The following IL17REL variants were observed in gnomAD, a reference collection of about 807,000 sequenced individuals.
IL17REL encodes the protein interleukin 17 receptor E like, also known as interleukin-17 receptor E-like protein.
A neutral mutation model predicts 49.0 loss-of-function variants in IL17REL; 36 were observed. The ratio of observed to expected loss-of-function variants is 0.73; its 90% confidence interval spans 0.56 to 0.97. IL17REL has a LOEUF of 0.97. Ranked by LOEUF, IL17REL falls within the 50% of genes least tolerant of loss-of-function variation. The pLI, the probability that IL17REL is intolerant of heterozygous loss-of-function variation, is 0.00. For missense variants in IL17REL, 470 were observed against 453.9 expected (o/e 1.04, Z -0.32); for synonymous variants, 206 against 192.4 (o/e 1.07, Z -0.58).
intron 1 of IL17REL, among the ~76,000 whole-genome samples, chr22:50,005,737 G>A (rs560571509): frequency 6.6e-6 from 1 of 151,978 alleles, no homozygotes; most frequent in Admixed American, 6.6e-5. Flanking sequence ...TCCGGGAGGC[G>A]GAAGTTGCAG....
At chr22:49,998,674 CGTGA>C (rs2061053054) in intron 7 of IL17REL, among the ~76,000 whole-genome samples, 1 of 143,044 alleles carries the variant, frequency 7.0e-6, no homozygotes. Context: ...TATGGGTGTG[CGTGA>C]GTGTGCCTGC....
chr22:49,999,184 G>T, intron 7 of IL17REL, 107 bp downstream of exon 9: 1 of 1,344,520 alleles, frequency 7.4e-7, no homozygotes, highest in Non-Finnish European at 1.1e-6. Flanking sequence ...AGGGATTTAG[G>T]CTGGGCCTGC....
At chr22:50,009,925 G>A (rs2061129576), upstream of IL17REL, among the ~76,000 whole-genome samples, 1 of 151,562 alleles carries the variant, frequency 6.6e-6, no homozygotes, top group Non-Finnish European at 1.5e-5. Context: ...AGTCTGGTGT[G>A]GAATCGGCGG....
chr22:50,009,581 C>T (rs906717305), upstream of IL17REL, among the ~76,000 whole-genome samples: 6 of 150,018 alleles, frequency 4.0e-5, no homozygotes, highest in South Asian at 2.1e-4. Flanking sequence ...TCAACACAGC[C>T]GCTCCATTCT....
intron 7 of IL17REL, 66 bp downstream of exon 9, chr22:49,999,225 A>C (rs1601886574): frequency 3.2e-6 from 5 of 1,573,370 alleles, no homozygotes; most frequent in Non-Finnish European, 4.4e-6. Context: ...GTCAGTCCTC[A>C]TGGTGGAGTC....
At chr22:50,007,761 T>C (rs753410502) in intron 1 of IL17REL, among the ~76,000 whole-genome samples, 1 of 152,148 alleles carries the variant, frequency 6.6e-6, no homozygotes, top group Non-Finnish European at 1.5e-5. Context: ...CAAGCTGATC[T>C]AATCTCCTCC....
chr22:50,008,361 C>T lies in IL17REL; in HGVS notation c.-42+276G>A, dbSNP rs560994516. ...TTTCCACCTGCTGCTTCTGGGCGGCCGGTTTGGAACGCAACGAGGCATTGT... is the reference window on the plus strand; with the variant it reads ...TTTCCACCTGCTGCTTCTGGGCGGCTGGTTTGGAACGCAACGAGGCATTGT... On this transcript the variant is annotated intron_variant, in intron 1 of 12. Coordinates refer to ENST00000341280, the Ensembl canonical transcript of IL17REL. Among the ~76,000 whole-genome samples, 25 of 152,286 alleles carry T rather than the reference C, an allele frequency of 1.6e-4. 1 individual carries two copies. In the East Asian group the frequency reaches 2.1e-3, roughly 13 times the overall value.
intron 1 of IL17REL, among the ~76,000 whole-genome samples, chr22:50,002,115 G>A (rs986027909): frequency 3.9e-5 from 6 of 152,218 alleles, no homozygotes; most frequent in African/African-American, 1.2e-4. Flanking sequence ...CTGTGATAAT[G>A]AGACTTCACT....
chr22:50,010,139 C>T (rs2061131088), upstream of IL17REL, among the ~76,000 whole-genome samples: 1 of 152,240 alleles, frequency 6.6e-6, no homozygotes, highest in African/African-American at 2.4e-5. Context: ...CAGAGACTGC[C>T]GTGAGTGACC....
At chr22:50,012,695 G>C (rs1298786927), upstream of IL17REL, 2 of 152,306 alleles carry the variant, frequency 1.3e-5, no homozygotes, top group East Asian at 3.8e-4. Context: ...TGTGAGTGGG[G>C]CAAGTTTGCA....
downstream of IL17REL, among the ~76,000 whole-genome samples, chr22:49,993,342 G>A (rs970872883): frequency 2.6e-5 from 4 of 152,156 alleles, no homozygotes; most frequent in African/African-American, 4.8e-5. This position sits in a 1 kb window ranked among gnomAD's most constrained non-coding sequence, Gnocchi z 6.0. Context: ...GCTCCTGCCC[G>A]CCCCTACCGC....
intron 1 of IL17REL, among the ~76,000 whole-genome samples, chr22:50,002,885 A>G (rs1175891582): frequency 1.3e-5 from 2 of 152,360 alleles, no homozygotes; most frequent in Non-Finnish European, 2.9e-5. Context: ...TGGGAAACCA[A>G]GGCAAAATCC....
chr22:49,997,305 A>T lies in IL17REL; in HGVS notation c.974+15T>A. Reference sequence around the variant, plus strand: ...CCCCACCTCCCCAGGATGGAGCCCCACTCTCTCGGCTCACTGAGGCTGAAG... The same window carrying T: ...CCCCACCTCCCCAGGATGGAGCCCCTCTCTCTCGGCTCACTGAGGCTGAAG... On this transcript the variant is annotated intron_variant, in intron 11 of 12. Transcript: ENST00000341280. 6.2e-7 allele frequency: 1 copy of T among 1,609,772 alleles called. No individual in the cohort carries two copies. The highest frequency in any genetic ancestry group is 1.7e-5 in the Admixed American group (1 of 59,852).
At chr22:50,006,971 A>AAAG (rs1555949615) in intron 1 of IL17REL, among the ~76,000 whole-genome samples, 3 of 149,440 alleles carry the variant, frequency 2.0e-5, no homozygotes, top group African/African-American at 2.4e-5. Context: ...AAAAAAAAAA[A>AAAG]GGGAGGGGAT....
chr22:49,997,526 C>T, intron 10 of IL17REL, 43 bp from the exon 13 acceptor site: 2 of 1,340,116 alleles, frequency 1.5e-6, no homozygotes, highest in African/African-American at 1.4e-5. Context: ...GCCCAGCACC[C>T]CACCGCCTCC....
At chr22:49,992,340 G>T (rs932108047), downstream of IL17REL, among the ~76,000 whole-genome samples, 1 of 152,206 alleles carries the variant, frequency 6.6e-6, no homozygotes, top group Non-Finnish European at 1.5e-5. Flanking sequence ...CAGGGACCCT[G>T]TTAGAGCCGG....
chr22:50,010,612 C>T (rs2061134268), upstream of IL17REL, among the ~76,000 whole-genome samples: 1 of 152,228 alleles, frequency 6.6e-6, no homozygotes, highest in African/African-American at 2.4e-5. Context: ...CCGGGGTGGG[C>T]TGGAGAGGCG....
chr22:49,998,945 G>A (rs2061056457), intron 7 of IL17REL, among the ~76,000 whole-genome samples: 1 of 152,056 alleles, frequency 6.6e-6, no homozygotes, highest in African/African-American at 2.4e-5. Context: ...GTGTATGGGC[G>A]TGTATGTTCG....
At chr22:50,005,838 CCAAAAA>C (rs1036902443) in intron 1 of IL17REL, among the ~76,000 whole-genome samples, 6 of 121,860 alleles carry the variant, frequency 4.9e-5, no homozygotes, top group Non-Finnish European at 1.1e-4. Flanking sequence ...ATAAAATATA[CCAAAAA>C]TAAAAATAAA....
Sources: allele counts gnomAD v4.1 joint callset (sites outside exome capture counted in the v4.1 genomes callset), GRCh38; gene constraint gnomAD v4.1.1; non-coding constraint Gnocchi (gnomAD v3.1); transcripts MANE v1.5; gene names NCBI Gene and HGNC (gene_info 2026-07-23, HGNC 2026-07-21).